The following HOXB3 variants were observed in gnomAD, a reference collection of about 807,000 sequenced individuals.
The protein encoded by HOXB3 is homeobox B3, also known as homeobox protein Hox-B3.
Under a neutral mutation model 29.2 loss-of-function variants are expected in HOXB3, and 17 were observed. The ratio of observed to expected loss-of-function variants is 0.58; its 90% CI spans 0.40 to 0.87. The LOEUF is 0.87. HOXB3 is among the 40% of genes least tolerant of loss of function. The pLI is 0.00. For synonymous variants in HOXB3, 317 were observed against 285.9 expected (o/e 1.11, Z -1.10); for missense variants, 637 against 616.3 (o/e 1.03, Z -0.35).
At chr17:48,561,344 T>G (rs905643197) in intron 2 of HOXB3, among the ~76,000 whole-genome samples, 14 of 152,108 alleles carry the variant, frequency 9.2e-5, no homozygotes, top group African/African-American at 2.7e-4. Context: ...CCCAGCTAGC[T>G]GGCCCCTCAC....
At position 48,550,991 on chromosome 17, in the gene HOXB3, C is replaced by T; in HGVS notation, c.639G>A (p.Leu213=). 6.2e-7 allele frequency: 1 copy of T among 1,613,544 alleles called. No individual in the cohort carries two copies. The highest frequency in any genetic ancestry group is 8.5e-7 in the Non-Finnish European group (1 of 1,179,656). The change falls in exon 5 of 5, where the codon CTG becomes CTA. Residue 213 remains leucine, a synonymous_variant. Coordinates refer to ENST00000498678, the MANE Select transcript of HOXB3 (RefSeq NM_001384749.1). ...CCATCTCTACACGGCGAGGCCGGCA[C>T]AGGTAGCGGTTAAAATGGAACTCCT... The part of the protein sequence containing the change: ...LEKEFHFNRY[L]CRPRRVEMAN...
In HOXB3 at chr17:48,554,383, C is replaced by T; in HGVS notation, c.-159+1148G>A. ...TAATAATAATAAAACAATAATTTAA[C>T]TAGATGCCTGGGGCCGAAATTCCTG... is the stretch of plus-strand genomic sequence containing the variant. On this transcript the variant is annotated intron_variant, in intron 3 of 4. Transcript: ENST00000498678. This position sits in a 1 kb window ranked among gnomAD's most constrained non-coding sequence, Gnocchi z 4.1. 1 of 523,996 alleles carries T rather than the reference C, an allele frequency of 1.9e-6. No individual in the cohort carries two copies. The highest frequency in any genetic ancestry group is 3.4e-6 in the Non-Finnish European group (1 of 293,886). 32.5% of individuals were successfully genotyped at this position (523,996 alleles called of 1,614,324 possible). A position where few individuals can be genotyped will look rare whatever the true frequency, so the allele number is the denominator to read the frequency against.
chr17:48,571,051 C>T (rs539923808), intron 2 of HOXB3, among the ~76,000 whole-genome samples: 62 of 152,272 alleles, frequency 4.1e-4, no homozygotes, highest in Admixed American at 2.7e-3. Flanking sequence ...CAAAATGACA[C>T]GAAGGCACGC....
chr17:48,566,586 G>A (rs2069396175), intron 2 of HOXB3, among the ~76,000 whole-genome samples: 1 of 152,150 alleles, frequency 6.6e-6, no homozygotes, highest in Non-Finnish European at 1.5e-5. Context: ...GGGGGAAGGG[G>A]CCTGTGGGAC....
chr17:48,553,721 T>C (rs1036540394), intron 3 of HOXB3: 1 of 151,992 alleles, frequency 6.6e-6, no homozygotes, highest in Non-Finnish European at 1.5e-5. Flanking sequence ...AAAATCACTA[T>C]TTTAATACAG....
intron 3 of HOXB3, among the ~76,000 whole-genome samples, chr17:48,555,239 C>T (rs1452696087): frequency 6.6e-6 from 1 of 151,382 alleles, no homozygotes; most frequent in East Asian, 1.9e-4. Context: ...TTCTTAGCAG[C>T]CGCGGAGAAA....
Position 48,550,449 on chromosome 17 carries a change from G to C in HOXB3, c.1181C>G (p.Pro394Arg), listed in dbSNP as rs367990973. ...LDYNGAPPMA[P>R]SQHHGPCEPH... is the part of the protein sequence containing the mutation. ...TTCGCAGGGTCCGTGGTGCTGGCTG[G>C]GCGCCATAGGGGGCGCCCCGTTGTA... The change falls in exon 5 of 5, where the codon CCC becomes CGC. Residue 394 changes from proline (P) to arginine (R), a missense_variant. Physicochemically the swap from Pro to Arg is moderately radical, Grantham distance 103. Transcript: ENST00000498678. 1.9e-6 allele frequency: 3 copies of C among 1,613,456 alleles called. No individual in the cohort carries two copies. The highest frequency in any genetic ancestry group is 2.5e-6 in the Non-Finnish European group (3 of 1,179,886).
rs368852456 is a variant in HOXB3 at position 48,558,241 on chromosome 17, C to T, written c.-246-2623G>A. On this transcript the variant is annotated intron_variant, in intron 2 of 4. Transcript: ENST00000498678. ...AGCCTCGGGCCGGCTGCAGGAGAAGCGGGCCTGGAGCTGAGCTGGGAGTGG... is the reference window on the plus strand; with the variant it reads ...AGCCTCGGGCCGGCTGCAGGAGAAGTGGGCCTGGAGCTGAGCTGGGAGTGG... 4.9e-4 allele frequency among the ~76,000 whole-genome samples: 75 copies of T among 152,218 alleles called. No homozygotes were observed. The East Asian group carries it at 0.011, about 22-fold the overall frequency.
At chr17:48,585,147 G>A (rs1252857787) in intron 1 of HOXB3, among the ~76,000 whole-genome samples, 2 of 152,112 alleles carry the variant, frequency 1.3e-5, no homozygotes, top group African/African-American at 2.4e-5. Context: ...ACCTGGGCAA[G>A]AGGAGTCTTT....
chr17:48,563,783 G>A (rs2069283058), intron 2 of HOXB3, among the ~76,000 whole-genome samples: 1 of 152,120 alleles, frequency 6.6e-6, no homozygotes, highest in Admixed American at 6.5e-5. Context: ...CAAATAACCC[G>A]CTAGGTGCTA....
At chr17:48,571,195 C>T (rs989786122) in intron 2 of HOXB3, among the ~76,000 whole-genome samples, 3 of 152,196 alleles carry the variant, frequency 2.0e-5, no homozygotes, top group African/African-American at 4.8e-5. Flanking sequence ...GTGAGAAAGG[C>T]GAGATTGATT....
At chr17:48,574,654 G>A (rs1398211190) in intron 1 of HOXB3, among the ~76,000 whole-genome samples, 1 of 152,122 alleles carries the variant, frequency 6.6e-6, no homozygotes, top group South Asian at 2.1e-4. Flanking sequence ...CCTGAGGCTG[G>A]AGCCCCCAGA....
chr17:48,579,676 G>C (rs1306752557), intron 1 of HOXB3: 1 of 202,470 alleles, frequency 4.9e-6, no homozygotes, highest in Non-Finnish European at 1.1e-5. Flanking sequence ...GCAGGCGTGG[G>C]GAGAGTTCAG....
chr17:48,574,854 T>C (rs1043709479), intron 1 of HOXB3, among the ~76,000 whole-genome samples: 5 of 152,236 alleles, frequency 3.3e-5, no homozygotes, highest in African/African-American at 4.8e-5. Flanking sequence ...AAATTAATAC[T>C]GGAGCAAGGC....
intron 2 of HOXB3, among the ~76,000 whole-genome samples, chr17:48,561,640 G>A (rs976156875): frequency 6.6e-6 from 1 of 152,248 alleles, no homozygotes; most frequent in East Asian, 1.9e-4. Flanking sequence ...GAACAGGAGA[G>A]AAATCAGGAA....
In HOXB3 at chr17:48,552,446, G is replaced by C. The variant is rs769797932; in HGVS notation, c.29C>G (p.Ala10Gly). ...ATAGCCTCCGAAGAGAGCAGCCGCG[G>C]CGTTGTCGTAGTAGGTGGCTTTCTG... MQKATYYDNAAAALFGGYSS... is the reference protein window; with the variant it reads MQKATYYDNGAAALFGGYSS... Residue 10 changes from alanine (A) to glycine (G), a missense_variant, in exon 4 of 5, where the codon GCC (alanine) becomes GGC (glycine). By Grantham distance (60) the Ala-to-Gly change is moderately conservative. Transcript: ENST00000498678. The C allele has an allele frequency of 6.3e-7, 1 of 1,583,128 alleles. No homozygotes were observed. Among genetic ancestry groups the C allele is most frequent in the Non-Finnish European group, 8.6e-7 (1 of 1,161,874 alleles).
intron 1 of HOXB3, chr17:48,578,373 T>G (rs2144893681): frequency 6.4e-7 from 1 of 1,568,336 alleles, no homozygotes; most frequent in South Asian, 1.2e-5. Flanking sequence ...GACCCCTGAC[T>G]CGTTTTCCTG....
chr17:48,578,144 G>A lies in HOXB3; in HGVS notation c.-424-4130C>T, dbSNP rs764975932. 2 of 1,570,832 alleles carry A rather than the reference G, an allele frequency of 1.3e-6. No individual in the cohort carries two copies. Among genetic ancestry groups the A allele is most frequent in the South Asian group, 2.3e-5 (2 of 87,888 alleles). On this transcript the variant is annotated intron_variant, in intron 1 of 4. Transcript: ENST00000498678. ...GGCCGCGTAGCGCTGCACGGTGCAC[G>A]CCGCGCGCCGCCCGAAGCCCGCCTC...
chr17:48,551,168 A>G lies in HOXB3; in HGVS notation c.462T>C (p.Gly154=), dbSNP rs528496753. The part of the protein sequence containing the change: ...NNSPGTAEGC[G]GGGGGGGGGG... ...CGCCGCCGCCGCCACCGCCGCCGCC[A>G]CCACAGCCCTCTGCTGGATCCGAGG... The change falls in exon 5 of 5, where the codon GGT becomes GGC. Residue 154 remains glycine, a synonymous_variant. Coordinates refer to ENST00000498678, the MANE Select transcript of HOXB3 (RefSeq NM_001384749.1). The G allele has an allele frequency of 3.1e-6, 4 of 1,285,356 alleles. No homozygotes were observed. The East Asian group carries it at 9.5e-5, about 30-fold the overall frequency. 79.6% of individuals were successfully genotyped at this position (1,285,356 alleles called of 1,614,324 possible). A position where few individuals can be genotyped will look rare whatever the true frequency, so the allele number is the denominator to read the frequency against.
Sources: allele counts gnomAD v4.1 joint callset (sites outside exome capture counted in the v4.1 genomes callset), GRCh38; gene constraint gnomAD v4.1.1; non-coding constraint Gnocchi (gnomAD v3.1); transcripts MANE v1.5; gene names NCBI Gene and HGNC (gene_info 2026-07-23, HGNC 2026-07-21).